The following PDE10A variants were observed in gnomAD, a reference collection of about 807,000 sequenced individuals.
The protein encoded by PDE10A is cAMP and cAMP-inhibited cGMP 3',5'-cyclic phosphodiesterase 10A.
A neutral mutation model predicts 97.7 loss-of-function variants in PDE10A; 39 were observed. That is an observed-to-expected ratio of 0.40 (90% confidence interval 0.31 to 0.52). PDE10A has a LOEUF of 0.52. PDE10A is among the 20% of genes least tolerant of loss of function. The probability of loss-of-function intolerance (pLI) is 0.56; values close to 1 mark genes in which losing one functional copy is unlikely to be tolerated. For synonymous variants in PDE10A, 371 were observed against 376.8 expected (o/e 0.98, Z 0.18); for missense variants, 731 against 1,047.8 (o/e 0.70, Z 4.17).
chr6:165,769,314 C>T (rs933155672), intron 1 of PDE10A, among the ~76,000 whole-genome samples: 2 of 152,132 alleles, frequency 1.3e-5, no homozygotes, highest in African/African-American at 2.4e-5. Flanking sequence ...GTGGACAGCA[C>T]AGCTTTATAG....
At chr6:165,586,635 TA>T (rs1406369400) in intron 1 of PDE10A, among the ~76,000 whole-genome samples, 5 of 152,162 alleles carry the variant, frequency 3.3e-5, no homozygotes, top group African/African-American at 1.2e-4. Context: ...TATATAGAAA[TA>T]ATATTCTAAA....
intron 2 of PDE10A, among the ~76,000 whole-genome samples, chr6:165,535,218 T>A (rs989475403): frequency 6.6e-6 from 1 of 151,454 alleles, no homozygotes; most frequent in African/African-American, 2.4e-5. Context: ...ACCCCGGGAA[T>A]CTGCCTTTTA....
At chr6:165,785,446 A>G (rs771930350) in intron 1 of PDE10A, among the ~76,000 whole-genome samples, 3 of 152,250 alleles carry the variant, frequency 2.0e-5, no homozygotes, top group Non-Finnish European at 2.9e-5. Flanking sequence ...CTTGATTAGC[A>G]TCATAGATAT....
intron 1 of PDE10A, among the ~76,000 whole-genome samples, chr6:165,577,898 A>G (rs1236650981): frequency 6.6e-6 from 1 of 152,172 alleles, no homozygotes; most frequent in Non-Finnish European, 1.5e-5. Flanking sequence ...TAGAGGACAC[A>G]ATAGAAAATA....
intron 1 of PDE10A, among the ~76,000 whole-genome samples, chr6:165,971,973 G>T (rs1271518037): frequency 6.6e-6 from 1 of 152,132 alleles, no homozygotes; most frequent in Non-Finnish European, 1.5e-5. Context: ...ATAGAATAAG[G>T]AGTGATACCT....
At chr6:165,713,812 C>G (rs1379341312) in intron 1 of PDE10A, among the ~76,000 whole-genome samples, 4 of 152,264 alleles carry the variant, frequency 2.6e-5, no homozygotes, top group African/African-American at 7.2e-5. Context: ...ACTGAGGTCA[C>G]AGAAGTTTGA....
chr6:165,837,743 C>T (rs1247983657), intron 1 of PDE10A, among the ~76,000 whole-genome samples: 3 of 140,226 alleles, frequency 2.1e-5, no homozygotes, highest in East Asian at 2.1e-4. Flanking sequence ...TGGAGTGCAG[C>T]GGCACAATCT....
chr6:165,935,489 G>A (rs1783292069), intron 1 of PDE10A, among the ~76,000 whole-genome samples: 1 of 152,212 alleles, frequency 6.6e-6, no homozygotes, highest in Non-Finnish European at 1.5e-5. Context: ...AAGTAGAGAG[G>A]AGGATCGATT....
intron 1 of PDE10A, among the ~76,000 whole-genome samples, chr6:165,730,792 TC>T (rs1410933146): frequency 7.0e-6 from 1 of 142,592 alleles, no homozygotes; most frequent in Admixed American, 7.2e-5. Context: ...ACGCCTGTAA[TC>T]CCAGCACTTT....
At chr6:165,879,268 G>T (rs548178446) in intron 1 of PDE10A, among the ~76,000 whole-genome samples, 1 of 152,268 alleles carries the variant, frequency 6.6e-6, no homozygotes, top group South Asian at 2.1e-4. Flanking sequence ...TTTTATCTTT[G>T]AAATGGTGAA....
intron 5 of PDE10A, among the ~76,000 whole-genome samples, chr6:165,442,739 A>G (rs183448256): frequency 4.4e-4 from 67 of 152,204 alleles, no homozygotes; most frequent in Non-Finnish European, 8.8e-5. Context: ...CCTCTCCCAA[A>G]TATCATGTCC....
At chr6:165,874,087 C>A (rs1159379912) in intron 1 of PDE10A, among the ~76,000 whole-genome samples, 4 of 152,156 alleles carry the variant, frequency 2.6e-5, no homozygotes, top group African/African-American at 9.7e-5. Flanking sequence ...AAGGGCAAAG[C>A]AGTCAGGAGA....
At chr6:165,345,795 C>G (rs1782266531) in intron 18 of PDE10A, among the ~76,000 whole-genome samples, 1 of 152,172 alleles carries the variant, frequency 6.6e-6, no homozygotes, top group South Asian at 2.1e-4. Context: ...ACCCTTTTCT[C>G]AGAGTAATAA....
chr6:165,824,968 T>A (rs1443377962), intron 1 of PDE10A, among the ~76,000 whole-genome samples: 35 of 92,360 alleles, frequency 3.8e-4, no homozygotes, highest in South Asian at 1.3e-3. Context: ...CCGTCTCTAC[T>A]AAAAAAAAAA....
intron 1 of PDE10A, among the ~76,000 whole-genome samples, chr6:165,691,094 T>TCC (rs1791263079): frequency 7.8e-5 from 3 of 38,696 alleles, no homozygotes; most frequent in African/African-American, 2.4e-4. Flanking sequence ...TCTCTCTCTC[T>TCC]CTCTTTCTCT....
intron 5 of PDE10A, among the ~76,000 whole-genome samples, chr6:165,447,095 CAA>C (rs3837012): frequency 2.8e-4 from 39 of 137,724 alleles, no homozygotes; most frequent in African/African-American, 8.6e-4. Context: ...GCAAATAAAG[CAA>C]AAAAAAAAAA....
intron 1 of PDE10A, among the ~76,000 whole-genome samples, chr6:165,807,382 A>G (rs1426741974): frequency 6.6e-6 from 1 of 152,144 alleles, no homozygotes; most frequent in Admixed American, 6.5e-5. Flanking sequence ...CAACTCCTCA[A>G]TAAACAGATG....
rs918564037 is a variant in PDE10A, at chr6:165,661,838, G to A, written c.865+109C>T. On this transcript the variant is annotated intron_variant, in intron 1 of 21. Transcript: ENST00000539869. The surrounding 1 kb of genome is among the most constrained non-coding windows in gnomAD (Gnocchi z 4.8). ...CCCTGGGCGCTCCACGCCCGGGCAC[G>A]GGCACCTCGCTCGACACCCGCTTCC... 2.5e-4 allele frequency: 150 copies of A among 608,960 alleles called. No homozygotes were observed. Among genetic ancestry groups the A allele is most frequent in the Non-Finnish European group, 3.1e-4 (103 of 333,148 alleles). 37.7% of individuals were successfully genotyped at this position (608,960 alleles called of 1,614,324 possible). A position where few individuals can be genotyped will look rare whatever the true frequency, so the allele number is the denominator to read the frequency against.
At chr6:165,788,535 A>AAAAAAG (rs1778559353) in intron 1 of PDE10A, among the ~76,000 whole-genome samples, 6 of 149,388 alleles carry the variant, frequency 4.0e-5, no homozygotes, top group East Asian at 3.9e-4. Flanking sequence ...AAAAAAAAAA[A>AAAAAAG]AAAAGAAAAG....
Sources: allele counts gnomAD v4.1 joint callset (sites outside exome capture counted in the v4.1 genomes callset), GRCh38; gene constraint gnomAD v4.1.1; non-coding constraint Gnocchi (gnomAD v3.1); transcripts MANE v1.5; gene names NCBI Gene and HGNC (gene_info 2026-07-23, HGNC 2026-07-21).